ERBIN: variants seen among roughly 807,000 people sequenced by gnomAD.
ERBIN encodes erbb2 interacting protein.
In ERBIN, 60 loss-of-function variants were observed where a neutral mutation model predicts 158.4. The observed-to-expected ratio is 0.38, with a 90% CI of 0.31 to 0.47. The LOEUF (loss-of-function observed/expected upper bound fraction) is 0.47. ERBIN is among the 20% of genes least tolerant of loss of function. The pLI is 0.99. For synonymous variants in ERBIN, 594 were observed against 557.2 expected (o/e 1.07, Z -0.93); for missense variants, 1,610 against 1,648.0 (o/e 0.98, Z 0.40).
intron 1 of ERBIN, among the ~76,000 whole-genome samples, chr5:65,928,670 A>G (rs1322248774): frequency 6.6e-6 from 1 of 152,178 alleles, no homozygotes; most frequent in Admixed American, 6.5e-5. Context: ...ACGTTTTATG[A>G]AGTGAGGTGT....
Position 66,075,070 on chromosome 5 carries a change from C to T in ERBIN, c.3803C>T (p.Ala1268Val). The change falls in exon 23 of 26, where the codon GCA becomes GTA. Residue 1268 changes from alanine (A) to valine (V), a missense_variant. Transcript: ENST00000284037. ...ATGGGCCAGCCTCTCAGGCCTCAGGCAAATTATAGTCAAATACATCACCCC... is the reference window on the plus strand; with the variant it reads ...ATGGGCCAGCCTCTCAGGCCTCAGGTAAATTATAGTCAAATACATCACCCC... The part of the protein sequence containing the change: ...GQMGQPLRPQ[A>V]NYSQIHHPPQ... 6.2e-7 allele frequency: 1 copy of T among 1,614,100 alleles called. No individual in the cohort carries two copies. Among genetic ancestry groups the T allele is most frequent in the Non-Finnish European group, 8.5e-7 (1 of 1,180,016 alleles).
intron 1 of ERBIN, among the ~76,000 whole-genome samples, chr5:65,963,073 T>G (rs1203860325): frequency 6.6e-6 from 1 of 152,210 alleles, no homozygotes; most frequent in African/African-American, 2.4e-5. Flanking sequence ...TTCACAGAAG[T>G]TTCATCATGT....
chr5:66,052,114 T>G (rs1363148263), intron 20 of ERBIN, among the ~76,000 whole-genome samples: 1 of 151,750 alleles, frequency 6.6e-6, no homozygotes, highest in South Asian at 2.1e-4. Flanking sequence ...GGAGGTTAAC[T>G]TGAGCTTGCG....
At chr5:65,981,914 G>A (rs906249042) in intron 1 of ERBIN, among the ~76,000 whole-genome samples, 1 of 152,138 alleles carries the variant, frequency 6.6e-6, no homozygotes, top group South Asian at 2.1e-4. Context: ...AAGTCACAAG[G>A]CCTGCCCAAA....
intron 1 of ERBIN, among the ~76,000 whole-genome samples, chr5:65,927,838 G>A (rs1742848098): frequency 6.6e-6 from 1 of 152,192 alleles, no homozygotes; most frequent in Non-Finnish European, 1.5e-5. Flanking sequence ...AACCAATGGG[G>A]ACTAGTTTTG....
chr5:65,952,437 G>GAGGCCAT (rs535847253), intron 1 of ERBIN, among the ~76,000 whole-genome samples: 2,071 of 152,180 alleles, frequency 0.014, 59 homozygotes, highest in African/African-American at 0.048. Context: ...ATGGTGCATT[G>GAGGCCAT]CAGCCTCAAA....
intron 22 of ERBIN, among the ~76,000 whole-genome samples, chr5:66,072,874 T>C (rs1192832623): frequency 2.0e-5 from 3 of 152,302 alleles, no homozygotes; most frequent in South Asian, 4.1e-4. Context: ...TGACCAGATA[T>C]AATTATGAAG....
At chr5:66,075,589 A>G (rs1054427057) in intron 23 of ERBIN, among the ~76,000 whole-genome samples, 6 of 152,212 alleles carry the variant, frequency 3.9e-5, no homozygotes, top group African/African-American at 1.4e-4. Flanking sequence ...AAATTTGACT[A>G]CAGACTTCAA....
intron 21 of ERBIN, 133 bp from the exon 22 acceptor site, chr5:66,072,036 G>T (rs781308777): frequency 5.3e-6 from 4 of 752,450 alleles, no homozygotes; most frequent in Non-Finnish European, 8.4e-6. Flanking sequence ...AGTAATGATG[G>T]CAGTGTTTGA....
chr5:66,012,580 A>T (rs1390732993), intron 5 of ERBIN, among the ~76,000 whole-genome samples: 1 of 152,270 alleles, frequency 6.6e-6, no homozygotes, highest in Non-Finnish European at 1.5e-5. Flanking sequence ...GATTGGTTGC[A>T]GTGTATCAGA....
chr5:66,010,623 T>C (rs1231923957), intron 4 of ERBIN, among the ~76,000 whole-genome samples: 1 of 150,466 alleles, frequency 6.6e-6, no homozygotes, highest in Non-Finnish European at 1.5e-5. Context: ...CACCTGACAT[T>C]CTATATATGA....
intron 1 of ERBIN, among the ~76,000 whole-genome samples, chr5:65,929,722 C>T (rs1743133375): frequency 6.6e-6 from 1 of 150,490 alleles, no homozygotes; most frequent in East Asian, 1.9e-4. Context: ...CTCACCACAA[C>T]CTCCACCTCC....
In ERBIN at chr5:65,999,612, C is replaced by T. The variant is rs183067207; in HGVS notation, c.307+4748C>T. ...CTTACAAGTTAAAGATCATGTACAGCATTTAGTTGTTGTGTCTCTGGTCCT... is the reference window on the plus strand; with the variant it reads ...CTTACAAGTTAAAGATCATGTACAGTATTTAGTTGTTGTGTCTCTGGTCCT... On this transcript the variant is annotated intron_variant, in intron 4 of 25. Coordinates refer to ENST00000284037, the MANE Select transcript of ERBIN (RefSeq NM_001253697.2). 5.2e-4 allele frequency among the ~76,000 whole-genome samples: 79 copies of T among 152,244 alleles called. 1 individual carries two copies. The highest frequency in any genetic ancestry group is 5.1e-3 in the Admixed American group (78 of 15,286).
intron 1 of ERBIN, among the ~76,000 whole-genome samples, chr5:65,980,578 C>T (rs920732338): frequency 6.6e-6 from 1 of 152,078 alleles, no homozygotes; most frequent in Non-Finnish European, 1.5e-5. Flanking sequence ...ATTATGCTTC[C>T]TACAAATGGG....
chr5:65,992,069 T>G (rs963025446), intron 2 of ERBIN, among the ~76,000 whole-genome samples: 6 of 152,316 alleles, frequency 3.9e-5, no homozygotes, highest in East Asian at 3.9e-4. Flanking sequence ...GAACTCTTAC[T>G]CAGAAATTAA....
At chr5:66,043,809 A>G (rs758513008) in intron 16 of ERBIN, among the ~76,000 whole-genome samples, 7 of 152,196 alleles carry the variant, frequency 4.6e-5, no homozygotes, top group Non-Finnish European at 7.4e-5. Flanking sequence ...AATTTTATAT[A>G]TACGTAGATG....
chr5:66,007,781 G>C (rs1232027174), intron 4 of ERBIN, among the ~76,000 whole-genome samples: 1 of 152,202 alleles, frequency 6.6e-6, no homozygotes, highest in African/African-American at 2.4e-5. Flanking sequence ...TAACTTTGAA[G>C]ATAGGTAATT....
chr5:65,933,730 G>A (rs550023698), intron 1 of ERBIN, among the ~76,000 whole-genome samples: 118 of 151,990 alleles, frequency 7.8e-4, no homozygotes, highest in Non-Finnish European at 1.5e-3. Context: ...TATAAATTCC[G>A]TTCTGTTCTT....
chr5:65,943,429 A>G (rs1026535952), intron 1 of ERBIN, among the ~76,000 whole-genome samples: 4 of 152,218 alleles, frequency 2.6e-5, no homozygotes, highest in African/African-American at 9.6e-5. Context: ...GATTATCAAC[A>G]TTTGGTAATC....
Sources: allele counts gnomAD v4.1 joint callset (sites outside exome capture counted in the v4.1 genomes callset), GRCh38; gene constraint gnomAD v4.1.1; transcripts MANE v1.5; gene names NCBI Gene and HGNC (gene_info 2026-07-23, HGNC 2026-07-21).